The following ABHD12 variants were observed in gnomAD, a reference collection of about 807,000 sequenced individuals.
ABHD12 encodes abhydrolase domain containing 12, lysophospholipase.
In ABHD12, 43 loss-of-function variants were observed where a neutral mutation model predicts 58.3. The observed-to-expected ratio is 0.74, with a 90% CI of 0.58 to 0.95. The LOEUF (loss-of-function observed/expected upper bound fraction) is 0.95, where lower values mean the gene tolerates loss of function less well. ABHD12 is among the 40% of genes least tolerant of loss of function. The pLI, the probability that ABHD12 is intolerant of heterozygous loss-of-function variation, is 0.00. For missense variants in ABHD12, 539 were observed against 537.2 expected (o/e 1.00, Z -0.03); for synonymous variants, 219 against 211.2 (o/e 1.04, Z -0.32).
intron 6 of ABHD12, 56 bp from the exon 7 acceptor site, chr20:25,309,631 C>T: frequency 6.2e-7 from 1 of 1,609,524 alleles, no homozygotes; most frequent in Non-Finnish European, 8.5e-7. Flanking sequence ...AAAACCTGGA[C>T]AAACACACCT....
Position 25,388,360 on chromosome 20 carries a change from G to C in ABHD12, c.191+2153C>G, listed in dbSNP as rs150168833. Among the ~76,000 whole-genome samples the C allele has an allele frequency of 7.7e-4, 118 of 152,308 alleles. 2 individuals carry two copies. In the East Asian group the frequency reaches 0.019, roughly 24 times the overall value. On this transcript the variant is annotated intron_variant, in intron 1 of 12. Transcript: ENST00000339157. Reference sequence around the variant, plus strand: ...GCCAGGTACTGGAGATACTTAAGTGGAGAAAACAAAGCTCCTGTTCTCATG... The same window carrying C: ...GCCAGGTACTGGAGATACTTAAGTGCAGAAAACAAAGCTCCTGTTCTCATG...
chr20:25,337,215 G>T (rs1392070012), intron 2 of ABHD12, among the ~76,000 whole-genome samples: 1 of 152,214 alleles, frequency 6.6e-6, no homozygotes, highest in African/African-American at 2.4e-5. Context: ...GCAGTGAGCC[G>T]TGATCATACC....
At chr20:25,339,435 A>C (rs2055784176) in intron 1 of ABHD12, 84 bp from the exon 2 acceptor site, 2 of 1,597,432 alleles carry the variant, frequency 1.3e-6, no homozygotes, top group Middle Eastern at 1.7e-4. Flanking sequence ...CAAAATCCCT[A>C]AACAAGAGCC....
chr20:25,329,719 C>T (rs1754333545), intron 2 of ABHD12, among the ~76,000 whole-genome samples: 1 of 152,158 alleles, frequency 6.6e-6, no homozygotes, highest in South Asian at 2.1e-4. Flanking sequence ...CTGTGAGTAA[C>T]AGAGCAGCCT....
chr20:25,373,443 G>A (rs1452430084), intron 1 of ABHD12, among the ~76,000 whole-genome samples: 2 of 151,944 alleles, frequency 1.3e-5, no homozygotes, highest in East Asian at 1.9e-4. Context: ...GCTACTTGGG[G>A]GGCTGAGGCA....
In ABHD12 at chr20:25,338,079, C is replaced by CT. The variant is rs1346679305; in HGVS notation, c.316+1147dup. On this transcript the variant is annotated intron_variant, in intron 2 of 12. Transcript: ENST00000339157. ...AACAAAAACAAAGAAACAGAAATTCCTTTTTTAGCCAGTCATCTCCTAAGT... is the reference window on the plus strand; with the variant it reads ...AACAAAAACAAAGAAACAGAAATTCCTTTTTTTAGCCAGTCATCTCCTAAGT... Among the ~76,000 whole-genome samples the CT allele has an allele frequency of 2.0e-5, 3 of 152,000 alleles. No individual in the cohort carries two copies. The East Asian group carries it at 5.8e-4, about 29-fold the overall frequency.
chr20:25,327,644 C>T (rs1426068794), intron 2 of ABHD12, among the ~76,000 whole-genome samples: 2 of 152,068 alleles, frequency 1.3e-5, no homozygotes, highest in Non-Finnish European at 2.9e-5. Flanking sequence ...TAGTTTAAAG[C>T]GAAGATGATA....
At chr20:25,368,737 G>T in intron 1 of ABHD12, 1 of 1,141,344 alleles carries the variant, frequency 8.8e-7, no homozygotes, top group Non-Finnish European at 1.3e-6. Context: ...GCCTTCGTCA[G>T]CAATGTTGAA....
intron 7 of ABHD12, 106 bp from the exon 8 acceptor site, chr20:25,308,600 T>C: frequency 7.3e-7 from 1 of 1,373,834 alleles, no homozygotes; most frequent in Non-Finnish European, 1.0e-6. Flanking sequence ...TCTGTGAAGC[T>C]ACTGGAGTTT....
Position 25,306,918 on chromosome 20 carries a change from G to A in ABHD12, c.868-3C>T. On this transcript the variant is annotated splice_region_variant and splice_polypyrimidine_tract_variant and intron_variant, in intron 9 of 12. Coordinates refer to ENST00000339157, the MANE Select transcript of ABHD12 (RefSeq NM_001042472.3). ...AACCCAGGGAAGTATCGATATATCT[G>A]GAGACAAGATGGAAACCATTTTCAG... The A allele has an allele frequency of 6.2e-7, 1 of 1,604,858 alleles. No individual in the cohort carries two copies. Among genetic ancestry groups the A allele is most frequent in the Non-Finnish European group, 8.5e-7 (1 of 1,172,464 alleles).
At chr20:25,314,678 T>C (rs1038891323) in intron 6 of ABHD12, among the ~76,000 whole-genome samples, 5 of 134,364 alleles carry the variant, frequency 3.7e-5, no homozygotes, top group African/African-American at 8.2e-5. Context: ...GATCCTATCT[T>C]AAAAAAAAAA....
intron 8 of ABHD12, 124 bp from the exon 9 acceptor site, chr20:25,308,169 C>A (rs970073117): frequency 1.3e-6 from 1 of 792,566 alleles, no homozygotes; most frequent in African/African-American, 1.7e-5. Flanking sequence ...CAGGCAACCA[C>A]CTCGGCAGGC....
At chr20:25,333,642 G>A (rs191667145) in intron 2 of ABHD12, among the ~76,000 whole-genome samples, 1 of 151,822 alleles carries the variant, frequency 6.6e-6, no homozygotes, top group South Asian at 2.1e-4. Context: ...GGGATGCAAG[G>A]TTGGTTCAAT....
At chr20:25,313,578 A>AAAAATAAAATAAAATAAAATAAAAT (rs56792874) in intron 6 of ABHD12, among the ~76,000 whole-genome samples, 1,359 of 131,636 alleles carry the variant, frequency 0.01, 19 homozygotes, top group Non-Finnish European at 0.013. Context: ...AATGATCAAT[A>AAAAATAAAATAAAATAAAATAAAAT]AAAATAAAAT....
Position 25,308,472 on chromosome 20 carries a change from G to A in ABHD12, c.772C>T (p.Arg258Cys), listed in dbSNP as rs369296595. Residue 258 changes from arginine (R) to cysteine (C), a missense_variant, in exon 8 of 13, where the codon CGC becomes TGC. By Grantham distance (180) the Arg-to-Cys change is radical. Transcript: ENST00000339157. Reference protein sequence around the residue: ...GTGVATNLVRRLCERETPPDA... With the variant: ...GTGVATNLVRCLCERETPPDA... Reference sequence around the variant, plus strand: ...AGGCACTCACCTCGCTCACAGAGGCGCCGCACCAGATTTGTCGCCACGCTA... The same window carrying A: ...AGGCACTCACCTCGCTCACAGAGGCACCGCACCAGATTTGTCGCCACGCTA... The A allele has an allele frequency of 1.4e-5, 22 of 1,611,696 alleles. No homozygotes were observed. Among genetic ancestry groups the A allele is most frequent in the African/African-American group, 2.7e-5 (2 of 74,906 alleles).
intron 11 of ABHD12, chr20:25,303,194 A>G (rs2088669254): frequency 8.4e-7 from 1 of 1,188,192 alleles, no homozygotes; most frequent in African/African-American, 1.6e-5. Context: ...CCCATAACTG[A>G]TGAGCCCTTC....
At chr20:25,350,576 G>C (rs1274797942) in intron 1 of ABHD12, among the ~76,000 whole-genome samples, 1 of 152,186 alleles carries the variant, frequency 6.6e-6, no homozygotes, top group Non-Finnish European at 1.5e-5. Context: ...CCAGCCATGT[G>C]GAACTGTGAG....
At chr20:25,357,498 T>G (rs1043064315) in intron 1 of ABHD12, among the ~76,000 whole-genome samples, 4 of 152,212 alleles carry the variant, frequency 2.6e-5, no homozygotes, top group African/African-American at 7.2e-5. Flanking sequence ...CTGCAGTTTC[T>G]ATCGTGAACC....
intron 6 of ABHD12, among the ~76,000 whole-genome samples, chr20:25,312,995 G>A (rs1206610097): frequency 2.6e-5 from 4 of 151,918 alleles, no homozygotes; most frequent in African/African-American, 4.8e-5. Flanking sequence ...CAGCCACCCC[G>A]TCTGGGAGGT....
Sources: allele counts gnomAD v4.1 joint callset (sites outside exome capture counted in the v4.1 genomes callset), GRCh38; gene constraint gnomAD v4.1.1; transcripts MANE v1.5; gene names NCBI Gene and HGNC (gene_info 2026-07-23, HGNC 2026-07-21).